The following ABCC1 variants were observed in gnomAD, a reference collection of about 807,000 sequenced individuals.
ABCC1 encodes multidrug resistance-associated protein 1.
Under a neutral mutation model 172.9 loss-of-function variants are expected in ABCC1, and 83 were observed. That is an observed-to-expected ratio of 0.48 (90% CI 0.40 to 0.58). ABCC1 has a LOEUF of 0.58. Among genes scored for constraint, ABCC1 ranks in the 20% least tolerant of loss-of-function variants. The pLI, the probability that ABCC1 is intolerant of heterozygous loss-of-function variation, is 0.00. For missense variants in ABCC1, 1,817 were observed against 2,002.7 expected, an observed-to-expected ratio of 0.91 and a Z score of 1.77; for synonymous variants, 937 against 825.2, an observed-to-expected ratio of 1.14 and a Z score of -2.32.
At chr16:16,014,470 G>A in intron 3 of ABCC1, 21 bp from the exon 4 acceptor site, 1 of 1,612,332 alleles carries the variant, frequency 6.2e-7, no homozygotes, top group Non-Finnish European at 8.5e-7. Context: ...AACAACTCCT[G>A]TCTTGTGCTT....
intron 1 of ABCC1, among the ~76,000 whole-genome samples, chr16:15,998,167 G>C (rs1303211056): frequency 5.8e-4 from 26 of 44,954 alleles, no homozygotes; most frequent in Non-Finnish European, 1.5e-3. Flanking sequence ...TGTCACCCAG[G>C]CTGGAGTGCC....
At chr16:15,970,479 G>A (rs1469066645) in intron 1 of ABCC1, among the ~76,000 whole-genome samples, 1 of 152,244 alleles carries the variant, frequency 6.6e-6, no homozygotes, top group East Asian at 1.9e-4. Context: ...AGTTGATACT[G>A]GAGCGCAGCT....
intron 5 of ABCC1, among the ~76,000 whole-genome samples, chr16:16,021,780 A>G (rs1284819675): frequency 6.6e-6 from 1 of 152,182 alleles, no homozygotes; most frequent in African/African-American, 2.4e-5. Context: ...TAGCCTAGCA[A>G]TTGAGATGGG....
intron 7 of ABCC1, among the ~76,000 whole-genome samples, chr16:16,041,832 C>T (rs754562431): frequency 5.3e-5 from 8 of 152,082 alleles, no homozygotes; most frequent in East Asian, 1.9e-4. Flanking sequence ...CATGGTGGCT[C>T]ATGCCTGTAA....
At chr16:16,092,531 A>G (rs186823650) in intron 19 of ABCC1, among the ~76,000 whole-genome samples, 1 of 152,330 alleles carries the variant, frequency 6.6e-6, no homozygotes, top group African/African-American at 2.4e-5. Context: ...GGTGTTTTCA[A>G]GGTTCGTCTA....
At chr16:15,988,737 C>T (rs1251608532) in intron 1 of ABCC1, among the ~76,000 whole-genome samples, 1 of 152,102 alleles carries the variant, frequency 6.6e-6, no homozygotes, top group Non-Finnish European at 1.5e-5. Context: ...GCAGCCTGAC[C>T]TCTGCTTTCT....
rs757121235 is a variant in ABCC1 at position 16,036,569 on chromosome 16, A to G, written c.775A>G (p.Lys259Glu). 17 of 1,614,110 alleles carry G rather than the reference A, an allele frequency of 1.1e-5. No individual in the cohort carries two copies. The South Asian group carries it at 1.8e-4, about 17-fold the overall frequency. ...TSEQVVPVLV[K>E]NWKKECAKTR... ...GGAACAAGTCGTGCCTGTTTTGGTA[A>G]AGAACTGGAAGAAGGAATGCGCCAA... Residue 259 changes from lysine (K) to glutamate (E), a missense_variant, in exon 7 of 31, where the codon AAG becomes GAG. Physicochemically the swap from Lys to Glu is moderately conservative, Grantham distance 56 (BLOSUM62 1). Coordinates refer to ENST00000399410, the MANE Select transcript of ABCC1 (RefSeq NM_004996.4).
chr16:15,970,493 A>C (rs917356930), intron 1 of ABCC1, among the ~76,000 whole-genome samples: 5 of 152,266 alleles, frequency 3.3e-5, no homozygotes, highest in Non-Finnish European at 7.3e-5. Flanking sequence ...CGCAGCTAGC[A>C]GTTTCTGCTG....
chr16:16,129,508 G>C (rs1232297423), intron 26 of ABCC1, among the ~76,000 whole-genome samples: 2 of 150,934 alleles, frequency 1.3e-5, no homozygotes, highest in Non-Finnish European at 3.0e-5. Context: ...AATACTTTTT[G>C]TTGTTGGCGG....
Position 16,052,834 on chromosome 16 carries a change from G to A in ABCC1, c.1473+18G>A, listed in dbSNP as rs773940428. ...CGTATCAGGTAAGGCATGTGTCTCT[G>A]CGGGCCCCCAAGCCGGGCCCTAGGC... is the stretch of plus-strand genomic sequence containing the variant. On this transcript the variant is annotated intron_variant, in intron 11 of 30. Coordinates refer to ENST00000399410, the MANE Select transcript of ABCC1 (RefSeq NM_004996.4). 1 of 1,613,652 alleles carries A rather than the reference G, an allele frequency of 6.2e-7. No homozygotes were observed. Among genetic ancestry groups the A allele is most frequent in the Non-Finnish European group, 8.5e-7 (1 of 1,179,586 alleles).
chr16:16,047,990 G>A (rs1399071061), intron 9 of ABCC1, 152 bp from the exon 10 acceptor site: 30 of 1,001,668 alleles, frequency 3.0e-5, no homozygotes, highest in Non-Finnish European at 3.9e-5. Context: ...TGACACAGGC[G>A]TCCTGGGCAG....
At chr16:15,971,313 G>C (rs8047227) in intron 1 of ABCC1, among the ~76,000 whole-genome samples, 7,977 of 152,194 alleles carry the variant, frequency 0.052, 696 homozygotes, top group African/African-American at 0.18. Context: ...GGGAGGTGTG[G>C]TGGCGGCCAT....
intron 27 of ABCC1, among the ~76,000 whole-genome samples, chr16:16,132,517 T>TTTTTG (rs1380314031): frequency 1.2e-5 from 1 of 80,888 alleles, no homozygotes; most frequent in Non-Finnish European, 2.7e-5. Context: ...GTTGTTTTTT[T>TTTTTG]TTTTTTTTTT....
intron 19 of ABCC1, among the ~76,000 whole-genome samples, chr16:16,100,380 G>A (rs2051677133): frequency 6.6e-6 from 1 of 152,118 alleles, no homozygotes; most frequent in Admixed American, 6.5e-5. Context: ...GGCTCTCTGC[G>A]GCATGCAGCC....
chr16:16,102,537 T>G (rs1001264368), intron 19 of ABCC1, 90 bp from the exon 20 acceptor site: 4 of 1,176,966 alleles, frequency 3.4e-6, no homozygotes, highest in Non-Finnish European at 4.9e-6. Flanking sequence ...CTCTGTGGTC[T>G]CCTCACTGAA....
At chr16:16,043,873 A>G (rs2049089243) in intron 7 of ABCC1, among the ~76,000 whole-genome samples, 1 of 152,200 alleles carries the variant, frequency 6.6e-6, no homozygotes, top group Admixed American at 6.5e-5. Context: ...AAGTGCTGGG[A>G]TTACAGGTGT....
intron 19 of ABCC1, among the ~76,000 whole-genome samples, chr16:16,101,584 G>T (rs888052514): frequency 6.6e-6 from 1 of 152,096 alleles, no homozygotes; most frequent in African/African-American, 2.4e-5. Context: ...TATCCCTTTT[G>T]TATCTTCTGT....
At chr16:15,965,315 G>C (rs1255860923) in intron 1 of ABCC1, among the ~76,000 whole-genome samples, 1 of 151,180 alleles carries the variant, frequency 6.6e-6, no homozygotes, top group Non-Finnish European at 1.5e-5. Flanking sequence ...TTTTTGAGAC[G>C]GAGTCTTGTT....
intron 24 of ABCC1, among the ~76,000 whole-genome samples, chr16:16,124,335 G>GTGTGTGTGTGTATGTGTGTA (rs1555502585): frequency 1.1e-5 from 1 of 87,930 alleles, no homozygotes; most frequent in Non-Finnish European, 2.3e-5. Flanking sequence ...GTGTGTGTGT[G>GTGTGTGTGTGTATGTGTGTA]TGTGTGTGTG....
Sources: gnomAD v4.1 joint callset for allele counts (sites outside exome capture counted in the v4.1 genomes callset) on GRCh38, gnomAD v4.1.1 for gene constraint, MANE v1.5 for transcripts, NCBI Gene and HGNC (gene_info 2026-07-23, HGNC 2026-07-21) for gene names.